SGMS1: variants seen among roughly 807,000 people sequenced by gnomAD.
The protein encoded by SGMS1 is phosphatidylcholine:ceramide cholinephosphotransferase 1.
SGMS1 carries 13 observed loss-of-function variants against 46.2 expected under a neutral mutation model. The observed-to-expected ratio is 0.28, with a 90% CI of 0.18 to 0.45. The LOEUF is 0.45. Among genes scored for constraint, SGMS1 ranks in the 20% least tolerant of loss-of-function variants. SGMS1 has a pLI of 1.00. For missense variants in SGMS1, 324 were observed against 519.9 expected (o/e 0.62, Z 3.66); for synonymous variants, 203 against 187.8 (o/e 1.08, Z -0.66).
chr10:50,353,471 C>A (rs1199248876), intron 6 of SGMS1, among the ~76,000 whole-genome samples: 3 of 152,300 alleles, frequency 2.0e-5, no homozygotes. Context: ...GACAAACCCA[C>A]AGCTAATATC....
intron 5 of SGMS1, among the ~76,000 whole-genome samples, 200 bp downstream of exon 5, chr10:50,460,473 A>G (rs887945340): frequency 6.6e-6 from 1 of 152,224 alleles, no homozygotes; most frequent in East Asian, 1.9e-4. Flanking sequence ...ATCAGAGTTC[A>G]TCAAAGAGTG....
chr10:50,407,473 T>A (rs1228963984), intron 6 of SGMS1, among the ~76,000 whole-genome samples: 1 of 152,174 alleles, frequency 6.6e-6, no homozygotes, highest in African/African-American at 2.4e-5. Context: ...TCACCTTATT[T>A]TCTGTTGATA....
chr10:50,547,979 A>G (rs1838115940), intron 2 of SGMS1, among the ~76,000 whole-genome samples: 1 of 152,222 alleles, frequency 6.6e-6, no homozygotes, highest in Non-Finnish European at 1.5e-5. Flanking sequence ...AAGGCCTTTG[A>G]TAAAATTCAA....
At chr10:50,611,274 C>T (rs1838746818) in intron 1 of SGMS1, among the ~76,000 whole-genome samples, 3 of 152,180 alleles carry the variant, frequency 2.0e-5, no homozygotes, top group Admixed American at 2.0e-4. Flanking sequence ...ATCCCAAGGC[C>T]ACCTCAACAA....
At chr10:50,465,772 A>G (rs1165051863) in intron 4 of SGMS1, among the ~76,000 whole-genome samples, 1 of 152,154 alleles carries the variant, frequency 6.6e-6, no homozygotes, top group Non-Finnish European at 1.5e-5. Flanking sequence ...TGAGAGGACA[A>G]AAACAACAAA....
chr10:50,409,658 G>C (rs948612835), intron 6 of SGMS1, among the ~76,000 whole-genome samples: 1 of 152,052 alleles, frequency 6.6e-6, no homozygotes, highest in Non-Finnish European at 1.5e-5. Context: ...TGAGAATTTT[G>C]CTCCTAAAAG....
rs374507256 is a variant in SGMS1 at position 50,460,974 on chromosome 10, C to T, written c.-454-160G>A. Reference sequence around the variant, plus strand: ...AAGAATTCACAATGAACCTTCCTTACCTCCTCCCATTTTTTCTTTCTTTTC... The same window carrying T: ...AAGAATTCACAATGAACCTTCCTTATCTCCTCCCATTTTTTCTTTCTTTTC... On this transcript the variant is annotated intron_variant, in intron 4 of 10. Coordinates refer to ENST00000361781, the MANE Select transcript of SGMS1 (RefSeq NM_147156.4). Among the ~76,000 whole-genome samples the T allele has an allele frequency of 3.3e-5, 5 of 151,676 alleles. No homozygotes were observed. The East Asian group carries it at 7.7e-4, about 23-fold the overall frequency.
At chr10:50,483,504 A>T (rs1490277086) in intron 3 of SGMS1, among the ~76,000 whole-genome samples, 6 of 152,198 alleles carry the variant, frequency 3.9e-5, no homozygotes, top group African/African-American at 1.4e-4. Context: ...ATTAACAAAG[A>T]TATTCAGGAC....
At chr10:50,448,803 A>T (rs1837062489) in intron 5 of SGMS1, among the ~76,000 whole-genome samples, 1 of 152,048 alleles carries the variant, frequency 6.6e-6, no homozygotes, top group Non-Finnish European at 1.5e-5. Flanking sequence ...ATATTTGCAA[A>T]AGACATACTG....
At chr10:50,563,149 T>C (rs1208889440) in intron 2 of SGMS1, among the ~76,000 whole-genome samples, 6 of 152,218 alleles carry the variant, frequency 3.9e-5, no homozygotes, top group Admixed American at 3.3e-4. Flanking sequence ...TTAGGCACTC[T>C]GCAGCATCTA....
intron 2 of SGMS1, among the ~76,000 whole-genome samples, chr10:50,585,834 T>C (rs1308149504): frequency 1.3e-5 from 2 of 152,242 alleles, no homozygotes; most frequent in African/African-American, 4.8e-5. Flanking sequence ...AGACACTCTG[T>C]AAATACGTGT....
chr10:50,456,383 A>T (rs962887640), intron 5 of SGMS1, among the ~76,000 whole-genome samples: 5 of 152,096 alleles, frequency 3.3e-5, no homozygotes, highest in African/African-American at 1.2e-4. Flanking sequence ...GAAATAAGGA[A>T]CCATGTCTGA....
At chr10:50,452,072 T>C (rs1400802989) in intron 5 of SGMS1, among the ~76,000 whole-genome samples, 1 of 152,098 alleles carries the variant, frequency 6.6e-6, no homozygotes, top group African/African-American at 2.4e-5. Flanking sequence ...TATTTCTCAG[T>C]CATAGAGCAT....
intron 6 of SGMS1, among the ~76,000 whole-genome samples, chr10:50,394,412 C>T (rs1441878651): frequency 1.3e-5 from 2 of 152,204 alleles, no homozygotes; most frequent in Admixed American, 6.5e-5. Context: ...ACTACAGATG[C>T]GTTCTGAACC....
intron 6 of SGMS1, among the ~76,000 whole-genome samples, chr10:50,403,543 G>A (rs550557193): frequency 2.5e-4 from 38 of 152,024 alleles, no homozygotes; most frequent in Non-Finnish European, 5.0e-4. Context: ...TTCAACACAT[G>A]GTGTTTCAAA....
At chr10:50,524,159 C>A (rs150901731) in intron 2 of SGMS1, among the ~76,000 whole-genome samples, 171 of 152,290 alleles carry the variant, frequency 1.1e-3, no homozygotes, top group Non-Finnish European at 2.0e-3. Flanking sequence ...CCTCACTGTC[C>A]AGGCATTCCT....
intron 6 of SGMS1, among the ~76,000 whole-genome samples, chr10:50,395,587 A>G (rs999765928): frequency 6.6e-6 from 1 of 152,220 alleles, no homozygotes; most frequent in Non-Finnish European, 1.5e-5. Flanking sequence ...TGGAGTCTGG[A>G]AAGAAAGTGA....
chr10:50,577,518 C>G (rs1436759081), intron 2 of SGMS1, among the ~76,000 whole-genome samples: 1 of 152,100 alleles, frequency 6.6e-6, no homozygotes, highest in African/African-American at 2.4e-5. Context: ...TTTAAGAAAC[C>G]CAACAAACAA....
At chr10:50,424,990 A>G (rs1849304969) in intron 6 of SGMS1, among the ~76,000 whole-genome samples, 3 of 152,102 alleles carry the variant, frequency 2.0e-5, no homozygotes, top group South Asian at 2.1e-4. Context: ...GCCATCACTA[A>G]TCATCAGAGA....
Sources: gnomAD v4.1 joint callset for allele counts (sites outside exome capture counted in the v4.1 genomes callset) on GRCh38, gnomAD v4.1.1 for gene constraint, MANE v1.5 for transcripts, NCBI Gene and HGNC (gene_info 2026-07-23, HGNC 2026-07-21) for gene names.